HSPBAP1: variants seen among roughly 807,000 people sequenced by gnomAD.
HSPBAP1 encodes the protein HSPB1 associated protein 1, also known as HSPB1-associated protein 1.
A neutral mutation model predicts 45.2 loss-of-function variants in HSPBAP1; 27 were observed. The ratio of observed to expected loss-of-function variants is 0.60; its 90% CI spans 0.44 to 0.82. The LOEUF (loss-of-function observed/expected upper bound fraction) is 0.82. Ranked by LOEUF, HSPBAP1 falls within the 40% of genes least tolerant of loss-of-function variation. HSPBAP1 has a pLI of 0.00. For missense variants in HSPBAP1, 510 were observed against 590.9 expected (o/e 0.86, Z 1.42); for synonymous variants, 204 against 202.7 (o/e 1.01, Z -0.06).
At chr3:122,782,870 C>T (rs762385771) in intron 1 of HSPBAP1, among the ~76,000 whole-genome samples, 1 of 152,166 alleles carries the variant, frequency 6.6e-6, no homozygotes, top group African/African-American at 2.4e-5. Flanking sequence ...AAAGGTAAGG[C>T]TTGTTTTTAA....
chr3:122,783,252 G>A (rs552713440), intron 1 of HSPBAP1, among the ~76,000 whole-genome samples: 131 of 152,244 alleles, frequency 8.6e-4, no homozygotes, highest in African/African-American at 3.0e-3. Flanking sequence ...GCTGCTTGTC[G>A]TGTTTTTCAC....
chr3:122,754,612 G>T (rs752201218), intron 5 of HSPBAP1: 28 of 984,296 alleles, frequency 2.8e-5, no homozygotes, highest in Non-Finnish European at 3.0e-5. Flanking sequence ...ACAGGCAAGG[G>T]AGAGGGATAA....
At chr3:122,775,389 A>C (rs1935156993) in intron 2 of HSPBAP1, among the ~76,000 whole-genome samples, 2 of 152,272 alleles carry the variant, frequency 1.3e-5, no homozygotes, top group South Asian at 4.1e-4. Flanking sequence ...ACACATAAAA[A>C]GATGCTCAAC....
chr3:122,785,900 CGTGTGTGT>C (rs34416935), intron 1 of HSPBAP1, among the ~76,000 whole-genome samples: 1 of 149,734 alleles, frequency 6.7e-6, no homozygotes, highest in Non-Finnish European at 1.5e-5. Context: ...CATGTGTGTG[CGTGTGTGT>C]GTGTGTGTGC....
At chr3:122,778,028 G>A (rs1020487350) in intron 1 of HSPBAP1, 122 bp from the exon 2 acceptor site, 1 of 678,716 alleles carries the variant, frequency 1.5e-6, no homozygotes, top group South Asian at 2.0e-5. Flanking sequence ...TTACAATAAT[G>A]TATACGTCAT....
At chr3:122,781,726 T>C (rs1460790365) in intron 1 of HSPBAP1, among the ~76,000 whole-genome samples, 1 of 152,232 alleles carries the variant, frequency 6.6e-6, no homozygotes, top group East Asian at 1.9e-4. Context: ...TTGTGGTATT[T>C]GGCTGTTTCT....
chr3:122,768,756 T>C lies in HSPBAP1; in HGVS notation c.377A>G (p.Tyr126Cys). 6.2e-7 allele frequency: 1 copy of C among 1,613,144 alleles called. No homozygotes were observed. Among genetic ancestry groups the C allele is most frequent in the Non-Finnish European group, 8.5e-7 (1 of 1,179,080 alleles). Residue 126 changes from tyrosine to cysteine, a missense_variant, in exon 3 of 8, where the codon TAT becomes TGT. Coordinates refer to ENST00000306103, the MANE Select transcript of HSPBAP1 (RefSeq NM_024610.6). ...ACTGACAAAATATTTATAGTCAGCATAAGCCCAGAACTTGGAATGGTCATA... is the reference window on the plus strand; with the variant it reads ...ACTGACAAAATATTTATAGTCAGCACAAGCCCAGAACTTGGAATGGTCATA... ...RDYDHSKFWA[Y>C]ADYKYFVSLF...
At chr3:122,750,472 G>C (rs1934089673) in intron 6 of HSPBAP1, among the ~76,000 whole-genome samples, 1 of 152,004 alleles carries the variant, frequency 6.6e-6, no homozygotes, top group African/African-American at 2.4e-5. Flanking sequence ...TACCTGTCTA[G>C]ATATATTTTT....
intron 5 of HSPBAP1, chr3:122,752,941 A>AT (rs1488919793): frequency 1.1e-5 from 13 of 1,134,282 alleles, no homozygotes; most frequent in Non-Finnish European, 1.4e-5. Flanking sequence ...CTGCACCTAA[A>AT]TCTTAGTACA....
At chr3:122,756,026 C>T (rs1439225837) in intron 4 of HSPBAP1, among the ~76,000 whole-genome samples, 2 of 152,108 alleles carry the variant, frequency 1.3e-5, no homozygotes, top group Admixed American at 1.3e-4. Flanking sequence ...TCATTTAAAA[C>T]AGTTTTGAAA....
chr3:122,779,236 T>A (rs915049426), intron 1 of HSPBAP1, among the ~76,000 whole-genome samples: 7 of 151,558 alleles, frequency 4.6e-5, no homozygotes, highest in African/African-American at 1.7e-4. Context: ...AGAGACGGGC[T>A]TTCACCATCT....
chr3:122,789,462 GAATTTA>G (rs1197878887), intron 1 of HSPBAP1, among the ~76,000 whole-genome samples: 6 of 152,144 alleles, frequency 3.9e-5, no homozygotes, highest in Non-Finnish European at 8.8e-5. Context: ...TTCACATTCA[GAATTTA>G]AATTAATTCT....
intron 1 of HSPBAP1, among the ~76,000 whole-genome samples, chr3:122,782,659 A>G (rs1935526370): frequency 6.6e-6 from 1 of 152,164 alleles, no homozygotes; most frequent in Non-Finnish European, 1.5e-5. Context: ...CTGACCCTCA[A>G]AATATATATT....
chr3:122,754,428 T>C, intron 5 of HSPBAP1: 2 of 555,084 alleles, frequency 3.6e-6, no homozygotes, highest in Non-Finnish European at 4.6e-6. Flanking sequence ...ATGTCCAGAA[T>C]GGGCAAATCT....
chr3:122,787,954 G>A (rs1018719955), intron 1 of HSPBAP1, among the ~76,000 whole-genome samples: 8 of 152,066 alleles, frequency 5.3e-5, no homozygotes, highest in Non-Finnish European at 1.2e-4. Flanking sequence ...GTACAATGAC[G>A]GCTAACCATA....
chr3:122,742,685 T>G (rs552975642), intron 6 of HSPBAP1, among the ~76,000 whole-genome samples: 1 of 152,330 alleles, frequency 6.6e-6, no homozygotes, highest in South Asian at 2.1e-4. Context: ...CAATAATGTA[T>G]GTGGTCCTTA....
At chr3:122,778,405 C>T (rs1935265714) in intron 1 of HSPBAP1, among the ~76,000 whole-genome samples, 2 of 151,812 alleles carry the variant, frequency 1.3e-5, no homozygotes, top group South Asian at 4.1e-4. Flanking sequence ...CAAAAACAAC[C>T]ACTGTTGCAT....
chr3:122,779,345 A>C (rs1935322291), intron 1 of HSPBAP1, among the ~76,000 whole-genome samples: 1 of 151,482 alleles, frequency 6.6e-6, no homozygotes, highest in Non-Finnish European at 1.5e-5. Flanking sequence ...CCGGCCACAT[A>C]GATTTCATTT....
intron 2 of HSPBAP1, among the ~76,000 whole-genome samples, chr3:122,773,686 T>G (rs950883234): frequency 6.6e-6 from 1 of 152,126 alleles, no homozygotes; most frequent in African/African-American, 2.4e-5. Flanking sequence ...CTCCCAGGCT[T>G]GAGTGCAGTA....
Sources: allele counts gnomAD v4.1 joint callset (sites outside exome capture counted in the v4.1 genomes callset), GRCh38; gene constraint gnomAD v4.1.1; transcripts MANE v1.5; gene names NCBI Gene and HGNC (gene_info 2026-07-23, HGNC 2026-07-21).